The following AFF2 variants were observed in gnomAD, a reference collection of about 807,000 sequenced individuals.
AFF2 encodes the protein ALF transcription elongation factor 2.
In AFF2, 14 loss-of-function variants were observed where a neutral mutation model predicts 76.9. That is an observed-to-expected ratio of 0.18 (90% CI 0.12 to 0.28). The LOEUF (loss-of-function observed/expected upper bound fraction) is 0.28, where lower values mean the gene tolerates loss of function less well. AFF2 is among the 10% of genes least tolerant of loss of function. The pLI is 1.00. For synonymous variants in AFF2, 398 were observed against 366.7 expected, an observed-to-expected ratio of 1.09 and a Z score of -0.98; for missense variants, 868 against 1,001.1, an observed-to-expected ratio of 0.87 and a Z score of 1.79.
chrX:148,729,877 T>G (rs1227269326), intron 3 of AFF2, among the ~76,000 whole-genome samples: 1 of 111,854 alleles, frequency 8.9e-6, no homozygotes, highest in Non-Finnish European at 1.9e-5. Context: ...CACTGTATAG[T>G]TTGGACAAAT....
intron 9 of AFF2, among the ~76,000 whole-genome samples, chrX:148,926,760 A>G (rs1557283839): frequency 8.9e-6 from 1 of 112,013 alleles, no homozygotes; most frequent in African/African-American, 3.2e-5. Flanking sequence ...CAGTGATTGA[A>G]CCTTGCACAC....
chrX:148,824,379 T>C (rs1414938638), intron 4 of AFF2, among the ~76,000 whole-genome samples: 1 of 111,455 alleles, frequency 9.0e-6, no homozygotes, highest in Admixed American at 9.6e-5. Context: ...TACTCAAAAT[T>C]TACTAAAAGA....
At chrX:148,717,937 A>T (rs1219679287) in intron 3 of AFF2, among the ~76,000 whole-genome samples, 1 of 109,661 alleles carries the variant, frequency 9.1e-6, no homozygotes, top group African/African-American at 3.3e-5. Flanking sequence ...CAGAAAAATC[A>T]CTCCAGATAC....
intron 3 of AFF2, among the ~76,000 whole-genome samples, chrX:148,723,321 A>G (rs782515180): frequency 9.0e-6 from 1 of 111,668 alleles, no homozygotes; most frequent in Non-Finnish European, 1.9e-5. Context: ...CCACATACAA[A>G]CACTTTGATA....
intron 3 of AFF2, among the ~76,000 whole-genome samples, chrX:148,798,925 C>T (rs782750802): frequency 1.8e-5 from 2 of 111,481 alleles, no homozygotes; most frequent in African/African-American, 6.5e-5. Flanking sequence ...TCAGTTTTTG[C>T]AGAGTGATTT....
At chrX:148,932,253 G>T (rs988661487) in intron 9 of AFF2, among the ~76,000 whole-genome samples, 2 of 112,335 alleles carry the variant, frequency 1.8e-5, no homozygotes, top group South Asian at 3.7e-4. Context: ...AATCTTCTGA[G>T]AATTTCTCAG....
chrX:148,730,791 G>T (rs1486291384), intron 3 of AFF2, among the ~76,000 whole-genome samples: 2 of 112,370 alleles, frequency 1.8e-5, no homozygotes, highest in African/African-American at 6.5e-5. Flanking sequence ...AGGAAATTCA[G>T]GCAAGTGAGA....
intron 1 of AFF2, among the ~76,000 whole-genome samples, chrX:148,648,226 G>A (rs1485366198): frequency 9.0e-6 from 1 of 111,190 alleles, no homozygotes; most frequent in East Asian, 2.8e-4. Context: ...TCTGTTTGTG[G>A]TGGCTAGGGA....
chrX:148,621,285 G>A (rs1557251195), intron 1 of AFF2, among the ~76,000 whole-genome samples: 1 of 111,530 alleles, frequency 9.0e-6, no homozygotes. Flanking sequence ...GTTTTAATGT[G>A]TATAATATAT....
chrX:148,703,451 A>G (rs1674271351), intron 3 of AFF2, among the ~76,000 whole-genome samples: 1 of 112,080 alleles, frequency 8.9e-6, no homozygotes, highest in South Asian at 3.7e-4. Flanking sequence ...GTGTGTGCAT[A>G]TCCCAGGAAA....
intron 7 of AFF2, among the ~76,000 whole-genome samples, chrX:148,884,794 A>G (rs1378503358): frequency 8.9e-6 from 1 of 112,117 alleles, no homozygotes; most frequent in Non-Finnish European, 1.9e-5. Flanking sequence ...GAGGAAAAAA[A>G]TATTCTTCCT....
intron 3 of AFF2, among the ~76,000 whole-genome samples, chrX:148,689,064 A>T (rs1243546100): frequency 9.0e-6 from 1 of 111,720 alleles, no homozygotes; most frequent in Admixed American, 9.5e-5. Context: ...ATTTTCTCCC[A>T]GCTCTGGAAG....
At chrX:148,606,287 A>C (rs1557248777) in intron 1 of AFF2, among the ~76,000 whole-genome samples, 3 of 112,288 alleles carry the variant, frequency 2.7e-5, no homozygotes, top group Non-Finnish European at 5.6e-5. Context: ...GTAGAATCCA[A>C]GATAGGATTC....
intron 9 of AFF2, 101 bp from the exon 10 acceptor site, chrX:148,953,479 T>C: frequency 3.2e-6 from 3 of 934,069 alleles, no homozygotes; most frequent in Middle Eastern, 6.0e-4. Context: ...AACCCCACTC[T>C]ACCTGCATTT....
At chrX:148,809,993 T>C in intron 4 of AFF2, 73 bp downstream of exon 4, 1 of 1,011,538 alleles carries the variant, frequency 9.9e-7, no homozygotes, top group South Asian at 2.1e-5. Flanking sequence ...TTAAAGTAAT[T>C]ACTGTTCTGT....
At chrX:148,850,875 T>A (rs1471503951) in intron 7 of AFF2, among the ~76,000 whole-genome samples, 1 of 111,284 alleles carries the variant, frequency 9.0e-6, no homozygotes, top group Non-Finnish European at 1.9e-5. Context: ...TATGCTGCCT[T>A]GTGCCCAGAT....
rs1557290785 is a variant in AFF2 at position 148,980,768 on chromosome X, T to C, written c.3601T>C (p.Ser1201Pro). ...TGCTTCAAAAGTCGCACAGATACCC[T>C]CTCCATGGGTAAGCAATGGAAAGTA... is the stretch of plus-strand genomic sequence containing the variant. The part of the protein sequence containing the change: ...QNASKVAQIP[S>P]PWVSNGKNTP... Residue 1201 changes from serine (S) to proline (P), a missense_variant, in exon 19 of 21, where the codon TCT (serine) becomes CCT (proline). By Grantham distance (74) the Ser-to-Pro change is moderately conservative. Coordinates refer to ENST00000370460, the MANE Select transcript of AFF2 (RefSeq NM_002025.4). 1 of 1,197,179 alleles carries C rather than the reference T, an allele frequency of 8.4e-7. No homozygotes were observed. The highest frequency in any genetic ancestry group is 2.2e-5 in the Admixed American group (1 of 45,694).
At chrX:148,754,927 C>T (rs1303246853) in intron 3 of AFF2, among the ~76,000 whole-genome samples, 3 of 111,740 alleles carry the variant, frequency 2.7e-5, no homozygotes, top group Non-Finnish European at 5.6e-5. Flanking sequence ...AATAACAGGA[C>T]TCTTTCTTAT....
intron 9 of AFF2, among the ~76,000 whole-genome samples, chrX:148,928,646 A>G (rs1178900963): frequency 1.8e-5 from 2 of 112,170 alleles, no homozygotes; most frequent in Non-Finnish European, 1.9e-5. Flanking sequence ...TGGGGAGCCC[A>G]TAGAGGCTCC....
Sources: gnomAD v4.1 joint callset for allele counts (sites outside exome capture counted in the v4.1 genomes callset) on GRCh38, gnomAD v4.1.1 for gene constraint, MANE v1.5 for transcripts, NCBI Gene and HGNC (gene_info 2026-07-23, HGNC 2026-07-21) for gene names.